CTNNA2: variants seen among roughly 807,000 people sequenced by gnomAD.
CTNNA2 encodes catenin alpha 2.
A neutral mutation model predicts 101.0 loss-of-function variants in CTNNA2; 42 were observed. The ratio of observed to expected loss-of-function variants is 0.42; its 90% CI spans 0.32 to 0.54. The LOEUF (loss-of-function observed/expected upper bound fraction) is 0.54. Among genes scored for constraint, CTNNA2 ranks in the 20% least tolerant of loss-of-function variants. The pLI is 0.14. For missense variants in CTNNA2, 871 were observed against 1,223.1 expected (o/e 0.71, Z 4.29); for synonymous variants, 450 against 456.4 (o/e 0.99, Z 0.18).
intron 3 of CTNNA2, among the ~76,000 whole-genome samples, chr2:79,833,948 G>C (rs1679116715): frequency 6.6e-6 from 1 of 152,054 alleles, no homozygotes; most frequent in Admixed American, 6.6e-5. Context: ...TTCTAAACTA[G>C]TTCATTCTTT....
chr2:79,459,593 G>T (rs1345563755), intron 4 of CTNNA2, among the ~76,000 whole-genome samples: 1 of 152,122 alleles, frequency 6.6e-6, no homozygotes, highest in Non-Finnish European at 1.5e-5. Context: ...AATATGGTAA[G>T]ATTTGTTTTA....
chr2:80,325,016 T>G (rs755104793), intron 7 of CTNNA2, among the ~76,000 whole-genome samples: 1 of 152,190 alleles, frequency 6.6e-6, no homozygotes, highest in African/African-American at 2.4e-5. Context: ...GTATGTATAT[T>G]TCTCTCTCTT....
chr2:79,827,036 T>G (rs760748676), intron 3 of CTNNA2, among the ~76,000 whole-genome samples: 15 of 150,324 alleles, frequency 1.0e-4, no homozygotes, highest in Non-Finnish European at 2.1e-4. Context: ...TAGACTGTAA[T>G]TTTTTTTTGT....
At chr2:80,594,914 T>C (rs1696820777) in intron 15 of CTNNA2, among the ~76,000 whole-genome samples, 2 of 152,080 alleles carry the variant, frequency 1.3e-5, no homozygotes, top group South Asian at 2.1e-4. Context: ...ATTTTGATTA[T>C]AGTAAGTTTT....
At chr2:80,583,295 T>C (rs1695696234) in intron 14 of CTNNA2, among the ~76,000 whole-genome samples, 2 of 152,164 alleles carry the variant, frequency 1.3e-5, no homozygotes, top group African/African-American at 4.8e-5. Flanking sequence ...GAGAAATCCT[T>C]TCCGATCACA....
At chr2:80,042,665 G>C (rs1696145802) in intron 7 of CTNNA2, among the ~76,000 whole-genome samples, 1 of 152,148 alleles carries the variant, frequency 6.6e-6, no homozygotes, top group African/African-American at 2.4e-5. Flanking sequence ...GTCATAGTTA[G>C]GTGTGAGAAG....
chr2:80,591,363 T>C (rs1696474364), intron 15 of CTNNA2, among the ~76,000 whole-genome samples: 1 of 151,392 alleles, frequency 6.6e-6, no homozygotes, highest in Admixed American at 6.6e-5. Context: ...GGGAGGAGTA[T>C]AGTAATGAAT....
At chr2:79,682,638 A>C (rs960831592) in intron 2 of CTNNA2, among the ~76,000 whole-genome samples, 2 of 152,124 alleles carry the variant, frequency 1.3e-5, no homozygotes, top group African/African-American at 2.4e-5. Flanking sequence ...TAAGGGGGAA[A>C]ATTTATATAC....
chr2:80,267,432 A>G (rs961260742), intron 7 of CTNNA2, among the ~76,000 whole-genome samples: 10 of 152,232 alleles, frequency 6.6e-5, no homozygotes, highest in African/African-American at 2.4e-4. Context: ...CCAGTACCTG[A>G]TGCACTGCTC....
At chr2:80,289,015 C>T (rs1371119150) in intron 7 of CTNNA2, 2 of 152,084 alleles carry the variant, frequency 1.3e-5, no homozygotes, top group Admixed American at 6.5e-5. Context: ...AAAAACAACG[C>T]GTGCACTTTT....
chr2:79,857,407 T>A (rs777354214), intron 3 of CTNNA2, among the ~76,000 whole-genome samples: 90 of 152,374 alleles, frequency 5.9e-4, no homozygotes, highest in Non-Finnish European at 1.1e-3. Flanking sequence ...CAGAGCCTAG[T>A]ACAGAATCTG....
intron 1 of CTNNA2, among the ~76,000 whole-genome samples, chr2:79,602,145 C>A (rs1281983452): frequency 6.6e-6 from 1 of 152,120 alleles, no homozygotes; most frequent in African/African-American, 2.4e-5. Context: ...CATCCTAAGC[C>A]AGAGACCATC....
intron 7 of CTNNA2, among the ~76,000 whole-genome samples, chr2:79,992,340 A>T (rs903446266): frequency 6.6e-6 from 1 of 152,226 alleles, no homozygotes; most frequent in Non-Finnish European, 1.5e-5. Context: ...TGCTTTGAAA[A>T]TTAGACATAC....
Position 79,988,466 on chromosome 2 carries a change from ATGTGTGTGTGTG to A in CTNNA2, c.1056+78693_1056+78704del, listed in dbSNP as rs70940067. Among the ~76,000 whole-genome samples, 45 of 148,930 alleles carry A rather than the reference ATGTGTGTGTGTG, an allele frequency of 3.0e-4. 1 individual carries two copies. The highest frequency in any genetic ancestry group is 4.3e-4 in the South Asian group (2 of 4,670). On this transcript the variant is annotated intron_variant, in intron 7 of 18. Coordinates refer to ENST00000402739, the MANE Select transcript of CTNNA2 (RefSeq NM_001282597.3). ...GCTCTTCTATATGAAGTGTATGTGT[ATGTGTGTGTGTG>A]TGTGTGTGTGTGTGTGTGTGTGTAT...
In CTNNA2 at chr2:80,492,150, C is replaced by T. The variant is rs183654916; in HGVS notation, c.1291-52832C>T. 1.2e-4 allele frequency among the ~76,000 whole-genome samples: 18 copies of T among 152,258 alleles called. No individual in the cohort carries two copies. In the East Asian group the frequency reaches 3.5e-3, roughly 29 times the overall value. On this transcript the variant is annotated intron_variant, in intron 9 of 18. Transcript: ENST00000402739. ...TTGGATCATGGGGGTGGATTTCACC[C>T]TTGCTGTTCTTGTGATATTGAGTGT... is the stretch of plus-strand genomic sequence containing the variant.
At chr2:79,242,991 T>TACACAC (rs1456245339) in intron 2 of CTNNA2, among the ~76,000 whole-genome samples, 6 of 120,922 alleles carry the variant, frequency 5.0e-5, no homozygotes, top group Admixed American at 3.5e-4. Context: ...TATATATATA[T>TACACAC]ATACACACAC....
intron 2 of CTNNA2, among the ~76,000 whole-genome samples, chr2:79,273,672 TGTTA>T (rs1170861061): frequency 1.3e-5 from 2 of 152,148 alleles, no homozygotes; most frequent in African/African-American, 4.8e-5. Context: ...ACAATTCTGA[TGTTA>T]GTTCTGTTTA....
At chr2:80,047,868 C>T (rs1696629324) in intron 7 of CTNNA2, among the ~76,000 whole-genome samples, 1 of 152,146 alleles carries the variant, frequency 6.6e-6, no homozygotes, top group South Asian at 2.1e-4. Flanking sequence ...GGGACAACAA[C>T]CAGATGCAGG....
At chr2:80,638,113 T>A (rs772296390) in intron 18 of CTNNA2, among the ~76,000 whole-genome samples, 28 of 152,174 alleles carry the variant, frequency 1.8e-4, no homozygotes, top group Non-Finnish European at 3.7e-4. Flanking sequence ...AGGGTAGAAA[T>A]AGAGGGATCA....
Sources: allele counts gnomAD v4.1 joint callset (sites outside exome capture counted in the v4.1 genomes callset), GRCh38; gene constraint gnomAD v4.1.1; transcripts MANE v1.5; gene names NCBI Gene and HGNC (gene_info 2026-07-23, HGNC 2026-07-21).